CCNC: variants seen among roughly 807,000 people sequenced by gnomAD.
CCNC encodes the protein cyclin-C.
Under a neutral mutation model 50.0 loss-of-function variants are expected in CCNC, and 19 were observed. The observed-to-expected ratio is 0.38, with a 90% CI of 0.27 to 0.56. The LOEUF is 0.56. CCNC is among the 20% of genes least tolerant of loss of function. The pLI is 0.72. For synonymous variants in CCNC, 93 were observed against 103.7 expected (o/e 0.90, Z 0.63); for missense variants, 200 against 327.1 (o/e 0.61, Z 3.00).
Position 99,562,807 on chromosome 6 carries a change from C to G in CCNC, c.139+35G>C, listed in dbSNP as rs373145779. ...AACATTTTTATTCAGAGGTAACCAA[C>G]TATACAATTTGAACCAATTTTTAAA... On this transcript the variant is annotated intron_variant, in intron 2 of 11. Transcript: ENST00000520429. 5.8e-6 allele frequency: 7 copies of G among 1,205,014 alleles called. No individual in the cohort carries two copies. The African/African-American group carries it at 9.1e-5, about 16-fold the overall frequency. 74.6% of individuals were successfully genotyped at this position (1,205,014 alleles called of 1,614,324 possible). A position where few individuals can be genotyped will look rare whatever the true frequency, so the allele number is the denominator to read the frequency against.
intron 5 of CCNC, among the ~76,000 whole-genome samples, chr6:99,555,074 T>C (rs1368747034): frequency 6.6e-6 from 1 of 152,234 alleles, no homozygotes; most frequent in Non-Finnish European, 1.5e-5. Flanking sequence ...CGTAATTGTT[T>C]AATTCCCATA....
At chr6:99,567,691 T>C (rs139781902) in intron 1 of CCNC, among the ~76,000 whole-genome samples, 1 of 152,216 alleles carries the variant, frequency 6.6e-6, no homozygotes, top group Non-Finnish European at 1.5e-5. Flanking sequence ...ATCTTTCAAC[T>C]ATACAGTGGA....
chr6:99,556,677 C>G (rs550278981), intron 5 of CCNC, among the ~76,000 whole-genome samples: 1 of 152,190 alleles, frequency 6.6e-6, no homozygotes, highest in South Asian at 2.1e-4. Context: ...GTGGCTCACG[C>G]CTGTAATCTC....
intron 1 of CCNC, among the ~76,000 whole-genome samples, chr6:99,567,734 C>T (rs1377612985): frequency 2.0e-5 from 3 of 152,168 alleles, no homozygotes; most frequent in African/African-American, 7.2e-5. Context: ...TACCCCATAA[C>T]GCACCTTCCT....
At chr6:99,558,329 T>G in intron 5 of CCNC, 168 bp downstream of exon 5, 1 of 990,646 alleles carries the variant, frequency 1.0e-6, no homozygotes, top group Non-Finnish European at 1.4e-6. Flanking sequence ...AAAAAAACCT[T>G]TTAGCTTGAT....
chr6:99,550,482 C>T (rs1367620997), intron 7 of CCNC, 173 bp from the exon 8 acceptor site: 9 of 549,978 alleles, frequency 1.6e-5, no homozygotes, highest in East Asian at 6.1e-5. Flanking sequence ...TAAACTCTAC[C>T]GTAATAGTGA....
Position 99,568,349 on chromosome 6 carries a change from C to A in CCNC, c.32+147G>T. On this transcript the variant is annotated intron_variant, in intron 1 of 11. Transcript: ENST00000520429. Reference sequence around the variant, plus strand: ...GGGGAGGGGAGTCGCCTCAGAAAAGCGCATCTTGATTCTGACCGCTGCGGT... The same window carrying A: ...GGGGAGGGGAGTCGCCTCAGAAAAGAGCATCTTGATTCTGACCGCTGCGGT... 4 of 735,438 alleles carry A rather than the reference C, an allele frequency of 5.4e-6. No individual in the cohort carries two copies. In the South Asian group the frequency reaches 7.2e-5, roughly 13 times the overall value. The allele number at this position is 735,438 out of a possible 1,614,324, so 45.6% of individuals were successfully genotyped here.
At chr6:99,568,772 C>T, upstream of CCNC, 1 of 1,298,814 alleles carries the variant, frequency 7.7e-7, no homozygotes, top group Non-Finnish European at 1.0e-6. Flanking sequence ...CGGAGGGAGC[C>T]GGAGGGGAGG....
chr6:99,551,906 T>A lies in CCNC; in HGVS notation c.347-11A>T. ...AAAATCTAGTTTTTACTGCAGAAAATAAAAAAAAAATTTAAACTGAGAAAA... is the reference window on the plus strand; with the variant it reads ...AAAATCTAGTTTTTACTGCAGAAAAAAAAAAAAAAATTTAAACTGAGAAAA... On this transcript the variant is annotated splice_polypyrimidine_tract_variant and intron_variant, in intron 5 of 11. Transcript: ENST00000520429. The A allele has an allele frequency of 3.7e-6, 5 of 1,350,516 alleles. No homozygotes were observed. The highest frequency in any genetic ancestry group is 2.7e-5 in the Admixed American group (1 of 36,762). The allele number at this position is 1,350,516 out of a possible 1,614,324, so 83.7% of individuals were successfully genotyped here. A position where few individuals can be genotyped will look rare whatever the true frequency, so the allele number is the denominator to read the frequency against.
In CCNC at chr6:99,550,395, T is replaced by C. The variant is rs145023931; in HGVS notation, c.439-86A>G. The stretch of plus-strand genomic sequence containing the variant: ...TTATCATTACCCAACTGATTTGTAA[T>C]TGTGTATTTCAAAGTGAATTTCACT... On this transcript the variant is annotated intron_variant, in intron 7 of 11. Transcript: ENST00000520429. 5.9e-4 allele frequency: 534 copies of C among 903,202 alleles called. 2 individuals carry two copies. The African/African-American group carries it at 8.1e-3, about 14-fold the overall frequency. 55.9% of individuals were successfully genotyped at this position (903,202 alleles called of 1,614,324 possible).
chr6:99,545,032 CA>C, intron 11 of CCNC, 79 bp downstream of exon 11: 1 of 683,588 alleles, frequency 1.5e-6, no homozygotes, highest in Non-Finnish European at 2.5e-6. Context: ...TTAAAAACTA[CA>C]AAACAACATA....
At chr6:99,557,499 T>C (rs1802570500) in intron 5 of CCNC, 1 of 151,902 alleles carries the variant, frequency 6.6e-6, no homozygotes, top group Non-Finnish European at 1.5e-5. Flanking sequence ...AGAGGGTCTT[T>C]AAAGGGATAA....
At position 99,544,028 on chromosome 6, in the gene CCNC, A is replaced by C. The variant is rs1583565335; in HGVS notation, c.798-419T>G. The stretch of plus-strand genomic sequence containing the variant: ...GAAGTGTTCTTCAAAAAAAAAAAAA[A>C]ACCAAAACTGTTGTCCAAAGGCATA... On this transcript the variant is annotated intron_variant, in intron 11 of 11. Coordinates refer to ENST00000520429, the MANE Select transcript of CCNC (RefSeq NM_005190.4). 11 of 922,522 alleles carry C rather than the reference A, an allele frequency of 1.2e-5. No individual in the cohort carries two copies. The East Asian group carries it at 2.8e-4, about 23-fold the overall frequency. The allele number at this position is 922,522 out of a possible 1,614,324, so 57.1% of individuals were successfully genotyped here. A position where few individuals can be genotyped will look rare whatever the true frequency, so the allele number is the denominator to read the frequency against.
chr6:99,546,441 T>A lies in CCNC; in HGVS notation c.632A>T (p.Lys211Ile). ...CLHVACVVQQKDARQWFAELS... is the reference protein window; with the variant it reads ...CLHVACVVQQIDARQWFAELS... The stretch of plus-strand genomic sequence containing the variant: ...CTCAGCAAACCATTGCCTGGCATCT[T>A]TCTGCTGTACAACACAGGCTACATG... Residue 211 changes from lysine (K) to isoleucine (I), a missense_variant, in exon 10 of 12, where the codon AAA (lysine) becomes ATA (isoleucine). Lys to Ile is a moderately radical substitution (Grantham distance 102, BLOSUM62 -3). Coordinates refer to ENST00000520429, the MANE Select transcript of CCNC (RefSeq NM_005190.4). 1 of 1,613,708 alleles carries A rather than the reference T, an allele frequency of 6.2e-7. No individual in the cohort carries two copies.
upstream of CCNC, chr6:99,568,683 C>T (rs1769269842): frequency 7.4e-6 from 11 of 1,482,510 alleles, no homozygotes; most frequent in South Asian, 1.5e-4. Context: ...AGGATGGCCC[C>T]CTAGTCTCCT....
chr6:99,544,138 A>G (rs889035995), intron 11 of CCNC: 25 of 1,474,818 alleles, frequency 1.7e-5, no homozygotes, highest in Non-Finnish European at 2.2e-5. Flanking sequence ...TACTTAAAAT[A>G]AAAATGCTGA....
intron 9 of CCNC, among the ~76,000 whole-genome samples, chr6:99,547,188 T>C (rs1802103695): frequency 2.0e-5 from 3 of 152,150 alleles, no homozygotes; most frequent in South Asian, 4.1e-4. Context: ...GTGGTCTGGT[T>C]ATCCATGTCT....
intron 4 of CCNC, among the ~76,000 whole-genome samples, chr6:99,559,971 G>A (rs1366572601): frequency 6.6e-6 from 1 of 151,830 alleles, no homozygotes; most frequent in Non-Finnish European, 1.5e-5. Flanking sequence ...CCACCCGCCT[G>A]AGCCTCCCAA....
intron 1 of CCNC, among the ~76,000 whole-genome samples, chr6:99,566,108 C>T (rs1179124781): frequency 1.3e-5 from 2 of 151,920 alleles, no homozygotes; most frequent in African/African-American, 4.8e-5. Flanking sequence ...CAAAAGTACC[C>T]CTGGGTTTAC....
Sources: allele counts gnomAD v4.1 joint callset (sites outside exome capture counted in the v4.1 genomes callset), GRCh38; gene constraint gnomAD v4.1.1; transcripts MANE v1.5; gene names NCBI Gene and HGNC (gene_info 2026-07-23, HGNC 2026-07-21).